AKAP6: variants seen among roughly 807,000 people sequenced by gnomAD.
AKAP6 encodes A-kinase anchor protein 6.
Under a neutral mutation model 188.5 loss-of-function variants are expected in AKAP6, and 58 were observed. That is an observed-to-expected ratio of 0.31 (90% CI 0.25 to 0.38). The LOEUF (loss-of-function observed/expected upper bound fraction) is 0.38, where lower values mean the gene tolerates loss of function less well. Ranked by LOEUF, AKAP6 falls within the 10% of genes least tolerant of loss-of-function variation. The pLI is 1.00. For synonymous variants in AKAP6, 989 were observed against 998.6 expected (o/e 0.99, Z 0.18); for missense variants, 2,710 against 2,740.0 (o/e 0.99, Z 0.24).
At chr14:32,807,377 T>C (rs1349778136) in intron 12 of AKAP6, among the ~76,000 whole-genome samples, 5 of 151,860 alleles carry the variant, frequency 3.3e-5, no homozygotes, top group Non-Finnish European at 4.4e-5. Context: ...GACAAAATTA[T>C]GGAATGCCTT....
intron 11 of AKAP6, among the ~76,000 whole-genome samples, chr14:32,756,353 G>A (rs376001822): frequency 6.6e-6 from 1 of 152,060 alleles, no homozygotes; most frequent in Non-Finnish European, 1.5e-5. Flanking sequence ...TCTGAGTCAT[G>A]GAGGTGGACC....
intron 4 of AKAP6, among the ~76,000 whole-genome samples, chr14:32,550,608 A>G (rs1438782057): frequency 6.6e-6 from 1 of 152,218 alleles, no homozygotes; most frequent in Non-Finnish European, 1.5e-5. Context: ...GCCAACCTCC[A>G]GGTCAACTGG....
rs564319551 is a variant in AKAP6 at position 32,796,603 on chromosome 14, CT to C, written c.3588+22716del. Among the ~76,000 whole-genome samples, 4 of 152,290 alleles carry C rather than the reference CT, an allele frequency of 2.6e-5. No homozygotes were observed. The East Asian group carries it at 7.7e-4, about 29-fold the overall frequency. ...TATGCAGAAAATTGAAACTGGACCT[CT>C]TTTTTATACCATCTACAAAGGTTAA... On this transcript the variant is annotated intron_variant, in intron 12 of 13. Coordinates refer to ENST00000280979, the MANE Select transcript of AKAP6 (RefSeq NM_004274.5).
intron 2 of AKAP6, among the ~76,000 whole-genome samples, chr14:32,440,465 A>T (rs1890536177): frequency 6.6e-6 from 1 of 152,070 alleles, no homozygotes. Flanking sequence ...TGTACCCTAG[A>T]ACTTAAAGTA....
intron 1 of AKAP6, among the ~76,000 whole-genome samples, chr14:32,412,409 G>A (rs987303020): frequency 6.6e-6 from 1 of 152,128 alleles, no homozygotes; most frequent in Non-Finnish European, 1.5e-5. Flanking sequence ...GTATCTTTTG[G>A]AAATAAATTA....
chr14:32,700,457 G>C (rs933076960), intron 9 of AKAP6, among the ~76,000 whole-genome samples: 2 of 152,140 alleles, frequency 1.3e-5, no homozygotes, highest in African/African-American at 4.8e-5. Context: ...TTCCTTGAAC[G>C]ATAGCTTACC....
Position 32,823,477 on chromosome 14 carries a change from T to A in AKAP6, c.5664T>A (p.Asp1888Glu). 6.2e-7 allele frequency: 1 copy of A among 1,613,572 alleles called. No homozygotes were observed. Residue 1888 changes from aspartate (D) to glutamate (E), a missense_variant, in exon 13 of 14, where the codon GAT becomes GAA. Asp to Glu is a conservative substitution (Grantham distance 45). This residue lies in a region of AKAP6 where 2,473 missense variants were observed against 2,426.1 expected (regional missense o/e 1.02). Coordinates refer to ENST00000280979, the MANE Select transcript of AKAP6 (RefSeq NM_004274.5). ...AAACTATTTTCAAAGTTAATAAAGA[T>A]CCATATGTGGCTGACATGGAAAATG... ...NKKTIFKVNKDPYVADMENGN... is the reference protein window; with the variant it reads ...NKKTIFKVNKEPYVADMENGN...
intron 4 of AKAP6, among the ~76,000 whole-genome samples, chr14:32,563,793 TTTAG>T (rs775183834): frequency 3.2e-4 from 48 of 152,214 alleles, no homozygotes; most frequent in Non-Finnish European, 6.5e-4. Context: ...GCCCAATAAT[TTTAG>T]TTAATGTACT....
chr14:32,727,534 A>T (rs905389076), intron 9 of AKAP6, among the ~76,000 whole-genome samples: 14 of 152,196 alleles, frequency 9.2e-5, no homozygotes, highest in African/African-American at 3.1e-4. Flanking sequence ...ATTAAAGATA[A>T]TGCAATCTAT....
At chr14:32,580,179 G>A (rs1232828901) in intron 5 of AKAP6, among the ~76,000 whole-genome samples, 1 of 152,080 alleles carries the variant, frequency 6.6e-6, no homozygotes, top group Non-Finnish European at 1.5e-5. Flanking sequence ...CTTTATAAGA[G>A]ATATGGAGGA....
At chr14:32,498,301 AT>A (rs1172261917) in intron 2 of AKAP6, among the ~76,000 whole-genome samples, 1 of 151,458 alleles carries the variant, frequency 6.6e-6, no homozygotes, top group East Asian at 2.0e-4. Flanking sequence ...TCAGTCCTGA[AT>A]ATATAACAAT....
chr14:32,768,451 A>G (rs1326918776), intron 11 of AKAP6, among the ~76,000 whole-genome samples: 1 of 152,218 alleles, frequency 6.6e-6, no homozygotes, highest in East Asian at 1.9e-4. Flanking sequence ...GATCCAAATG[A>G]CCTAATACAT....
chr14:32,823,838 C>T lies in AKAP6; in HGVS notation c.6025C>T (p.Pro2009Ser). Residue 2009 changes from proline (P) to serine (S), a missense_variant, in exon 13 of 14, where the codon CCG becomes TCG. Transcript: ENST00000280979. ...SDALKSSDDAPSMAGKSAGCC... is the reference protein window; with the variant it reads ...SDALKSSDDASSMAGKSAGCC... The stretch of plus-strand genomic sequence containing the variant: ...TGCACTGAAATCATCTGATGATGCA[C>T]CGAGTATGGCTGGAAAATCTGCTGG... The T allele has an allele frequency of 1.2e-6, 2 of 1,613,488 alleles. No individual in the cohort carries two copies. Among genetic ancestry groups the T allele is most frequent in the Non-Finnish European group, 1.7e-6 (2 of 1,179,900 alleles).
chr14:32,419,580 A>G (rs974093697), intron 1 of AKAP6, among the ~76,000 whole-genome samples: 2 of 152,114 alleles, frequency 1.3e-5, no homozygotes, highest in Non-Finnish European at 2.9e-5. Flanking sequence ...AATAAAAGTT[A>G]TTCACTCCAC....
chr14:32,743,054 TA>T (rs1237804196), intron 11 of AKAP6, among the ~76,000 whole-genome samples: 1 of 152,076 alleles, frequency 6.6e-6, no homozygotes, highest in Non-Finnish European at 1.5e-5. Flanking sequence ...GGTACTCTAG[TA>T]TTGAGTGCAT....
chr14:32,650,587 G>C (rs1888177126), intron 7 of AKAP6, among the ~76,000 whole-genome samples: 1 of 151,964 alleles, frequency 6.6e-6, no homozygotes, highest in Admixed American at 6.6e-5. Context: ...CTCCAGCGTG[G>C]GCAACAGAGT....
intron 2 of AKAP6, among the ~76,000 whole-genome samples, chr14:32,487,455 A>G (rs1879766396): frequency 6.6e-6 from 1 of 152,214 alleles, no homozygotes; most frequent in Non-Finnish European, 1.5e-5. Context: ...GCTTTTATCA[A>G]AGTTCTTAGC....
chr14:32,392,092 C>T (rs1168000195), intron 1 of AKAP6, among the ~76,000 whole-genome samples: 2 of 152,126 alleles, frequency 1.3e-5, no homozygotes, highest in Non-Finnish European at 2.9e-5. Context: ...ACCTAACTAT[C>T]ACACATGAAT....
Position 32,610,349 on chromosome 14 carries a change from T to C in AKAP6, c.2730+9557T>C, listed in dbSNP as rs552362525. Among the ~76,000 whole-genome samples the C allele has an allele frequency of 4.6e-5, 7 of 152,322 alleles. No individual in the cohort carries two copies. In the South Asian group the frequency reaches 1.2e-3, roughly 27 times the overall value. ...TCTAGTTTACCCACCCTTTTCCAAA[T>C]GTATTTTTCCTTTTCTTTGTTCTTT... On this transcript the variant is annotated intron_variant, in intron 7 of 13. Transcript: ENST00000280979.
Sources: gnomAD v4.1 joint callset for allele counts (sites outside exome capture counted in the v4.1 genomes callset) on GRCh38, gnomAD v4.1.1 for gene constraint, gnomAD v4.1.1 regional missense constraint, MANE v1.5 for transcripts, NCBI Gene and HGNC (gene_info 2026-07-23, HGNC 2026-07-21) for gene names.